The following CAMK2B variants were observed in gnomAD, a reference collection of about 807,000 sequenced individuals.
The protein encoded by CAMK2B is calcium/calmodulin-dependent protein kinase type II subunit beta.
Under a neutral mutation model 93.7 loss-of-function variants are expected in CAMK2B, and 27 were observed. The observed-to-expected ratio is 0.29, with a 90% confidence interval of 0.21 to 0.40. The LOEUF (loss-of-function observed/expected upper bound fraction) is 0.40, where lower values mean the gene tolerates loss of function less well. Ranked by LOEUF, CAMK2B falls within the 10% of genes least tolerant of loss-of-function variation. The pLI is 1.00. For synonymous variants in CAMK2B, 374 were observed against 358.8 expected, an observed-to-expected ratio of 1.04 and a Z score of -0.48; for missense variants, 568 against 895.8, an observed-to-expected ratio of 0.63 and a Z score of 4.67.
intron 1 of CAMK2B, among the ~76,000 whole-genome samples, chr7:44,309,404 A>T (rs1445008985): frequency 6.6e-6 from 1 of 152,148 alleles, no homozygotes; most frequent in African/African-American, 2.4e-5. Context: ...AGCCAGCAGG[A>T]GCAGGAGGGC....
intron 1 of CAMK2B, among the ~76,000 whole-genome samples, chr7:44,323,228 C>T (rs188247924): frequency 2.6e-5 from 4 of 152,272 alleles, no homozygotes; most frequent in Admixed American, 6.5e-5. Context: ...CTAGGCTGAG[C>T]TGCCTGCTCC....
At chr7:44,241,045 G>A (rs756264604) in intron 11 of CAMK2B, among the ~76,000 whole-genome samples, 2 of 152,164 alleles carry the variant, frequency 1.3e-5, no homozygotes, top group Admixed American at 6.5e-5. Context: ...TGGTCACCAC[G>A]GCAGCTCCTC....
At chr7:44,257,292 G>C (rs2096842252) in intron 4 of CAMK2B, among the ~76,000 whole-genome samples, 1 of 152,170 alleles carries the variant, frequency 6.6e-6, no homozygotes, top group South Asian at 2.1e-4. Flanking sequence ...AGGTTGGTGG[G>C]GAAGACATGG....
intron 1 of CAMK2B, among the ~76,000 whole-genome samples, chr7:44,296,311 T>A (rs569958284): frequency 6.6e-6 from 1 of 152,088 alleles, no homozygotes; most frequent in Admixed American, 6.6e-5. Flanking sequence ...ATAAAGAATG[T>A]CTTTGATGCA....
At chr7:44,247,259 C>T in intron 5 of CAMK2B, 67 bp from the exon 6 acceptor site, 1 of 1,336,336 alleles carries the variant, frequency 7.5e-7, no homozygotes, top group African/African-American at 1.4e-5. Flanking sequence ...GCACTGGGGG[C>T]AGGGGCAATG....
intron 20 of CAMK2B, among the ~76,000 whole-genome samples, chr7:44,223,201 G>A (rs1583728268): frequency 6.6e-6 from 1 of 152,212 alleles, no homozygotes; most frequent in Admixed American, 6.5e-5. Context: ...CCTGTGTTGT[G>A]TGGCGTGGGC....
rs1785262776 is a variant in CAMK2B, at chr7:44,286,833, G to A, written c.66-2608C>T. ...GCCAGGCAGCGCCGCTGAGGAAGGA[G>A]GAAGGCATGGCTGGGGGCCTCGGGA... On this transcript the variant is annotated intron_variant, in intron 1 of 23. Coordinates refer to ENST00000395749, the MANE Select transcript of CAMK2B (RefSeq NM_001220.5). The surrounding 1 kb of genome is among the most constrained non-coding windows in gnomAD (Gnocchi z 4.0). Among the ~76,000 whole-genome samples, 1 of 152,238 alleles carries A rather than the reference G, an allele frequency of 6.6e-6. No homozygotes were observed. The highest frequency in any genetic ancestry group is 1.5e-5 in the Non-Finnish European group (1 of 68,038).
intron 4 of CAMK2B, among the ~76,000 whole-genome samples, chr7:44,258,441 G>A (rs2096852936): frequency 6.6e-6 from 1 of 152,210 alleles, no homozygotes; most frequent in South Asian, 2.1e-4. Flanking sequence ...ACAGGTGCAC[G>A]TGCTCACATT....
Position 44,250,300 on chromosome 7 carries a change from G to A in CAMK2B, c.342-3108C>T, listed in dbSNP as rs190509311. Among the ~76,000 whole-genome samples, 325 of 152,318 alleles carry A rather than the reference G, an allele frequency of 2.1e-3. 2 individuals are homozygous for A. The highest frequency in any genetic ancestry group is 6.8e-3 in the Middle Eastern group (2 of 294). On this transcript the variant is annotated intron_variant, in intron 5 of 23. Transcript: ENST00000395749. ...TCACAGTCACACCATCTTGTCTGCC[G>A]TCACTTTCTGTTAACATCGATGTCT...
intron 4 of CAMK2B, among the ~76,000 whole-genome samples, chr7:44,257,789 C>G (rs2096846832): frequency 6.6e-6 from 1 of 152,288 alleles, no homozygotes; most frequent in African/African-American, 2.4e-5. Flanking sequence ...CAGAGAACCT[C>G]ACATGGACAG....
intron 3 of CAMK2B, among the ~76,000 whole-genome samples, chr7:44,261,378 G>A (rs996468045): frequency 4.6e-5 from 7 of 152,252 alleles, no homozygotes; most frequent in Admixed American, 4.6e-4. Flanking sequence ...ACCCCCATGG[G>A]CAGCTCCAAG....
chr7:44,220,692 C>T lies in CAMK2B; in HGVS notation c.1692G>A (p.Gly564=), dbSNP rs1230108115. The change falls in exon 22 of 24, where the codon GGG becomes GGA. Residue 564 remains glycine, a synonymous_variant. Coordinates refer to ENST00000395749, the MANE Select transcript of CAMK2B (RefSeq NM_001220.5). ...GTGCTTCAGGCTCAAACGAGGTCAGCCCTGGGTCACAGATTTTCCTGGGGG... is the reference window on the plus strand; with the variant it reads ...GTGCTTCAGGCTCAAACGAGGTCAGTCCTGGGTCACAGATTTTCCTGGGGG... ...FEAYAKICDP[G]LTSFEPEALG... 3 of 1,612,710 alleles carry T rather than the reference C, an allele frequency of 1.9e-6. No individual in the cohort carries two copies. In the East Asian group the frequency reaches 6.7e-5, roughly 36 times the overall value.
chr7:44,266,115 T>C (rs1042574528), intron 2 of CAMK2B, among the ~76,000 whole-genome samples: 1 of 152,208 alleles, frequency 6.6e-6, no homozygotes, highest in Admixed American at 6.5e-5. Context: ...ATGACAAGGA[T>C]GTTTCATAAA....
intron 2 of CAMK2B, chr7:44,268,550 C>G (rs1190482924): frequency 6.6e-6 from 1 of 152,302 alleles, no homozygotes; most frequent in Non-Finnish European, 1.5e-5. Flanking sequence ...ACAAAGCAAA[C>G]CACTCATGCT....
In CAMK2B at chr7:44,228,846, C is replaced by T. The variant is rs1252942045; in HGVS notation, c.1418G>A (p.Gly473Glu). 13 of 1,506,796 alleles carry T rather than the reference C, an allele frequency of 8.6e-6. No homozygotes were observed. Among genetic ancestry groups the T allele is most frequent in the Non-Finnish European group, 1.2e-5 (13 of 1,128,586 alleles). 93.3% of individuals were successfully genotyped at this position (1,506,796 alleles called of 1,614,324 possible). ...TPEAEGPLSA[G>E]PPPCLSPALL... ...AGCCGGAGACAGGCAGGGCGGGGGC[C>T]CCGCTGAGAGGGGGCCCTCGGCTTC... The change falls in exon 19 of 24, where the codon GGG becomes GAG. Residue 473 changes from glycine (G) to glutamate (E), a missense_variant. By Grantham distance (98) the Gly-to-Glu change is moderately conservative. Coordinates refer to ENST00000395749, the MANE Select transcript of CAMK2B (RefSeq NM_001220.5).
chr7:44,312,502 T>G lies in CAMK2B; in HGVS notation c.65+12855A>C, dbSNP rs945756196. Reference sequence around the variant, plus strand: ...GAGGGAGGGAAGGAGGGGAGGATGATGAGGCTGGAGAAAGAAACAGCCCCA... The same window carrying G: ...GAGGGAGGGAAGGAGGGGAGGATGAGGAGGCTGGAGAAAGAAACAGCCCCA... On this transcript the variant is annotated intron_variant, in intron 1 of 23. Transcript: ENST00000395749. This position sits in a 1 kb window ranked among gnomAD's most constrained non-coding sequence, Gnocchi z 4.1. 6.6e-6 allele frequency among the ~76,000 whole-genome samples: 1 copy of G among 151,828 alleles called. No homozygotes were observed. The highest frequency in any genetic ancestry group is 1.5e-5 in the Non-Finnish European group (1 of 67,942).
chr7:44,319,937 T>C (rs1204775489), intron 1 of CAMK2B, among the ~76,000 whole-genome samples: 2 of 152,128 alleles, frequency 1.3e-5, no homozygotes, highest in African/African-American at 4.8e-5. Flanking sequence ...CTGCTATATA[T>C]GTAGATGTGT....
At chr7:44,242,950 C>T (rs936929305) in intron 8 of CAMK2B, among the ~76,000 whole-genome samples, 1 of 152,162 alleles carries the variant, frequency 6.6e-6, no homozygotes, top group Non-Finnish European at 1.5e-5. Flanking sequence ...GCCCATGGCC[C>T]AACAGCCCCT....
At chr7:44,291,742 C>A (rs569357716) in intron 1 of CAMK2B, among the ~76,000 whole-genome samples, 1 of 152,354 alleles carries the variant, frequency 6.6e-6, no homozygotes, top group East Asian at 1.9e-4. Context: ...TAGGAGGTCT[C>A]CAACTTCCCT....
Sources: allele counts gnomAD v4.1 joint callset (sites outside exome capture counted in the v4.1 genomes callset), GRCh38; gene constraint gnomAD v4.1.1; non-coding constraint Gnocchi (gnomAD v3.1); transcripts MANE v1.5; gene names NCBI Gene and HGNC (gene_info 2026-07-23, HGNC 2026-07-21).